SPAG17: variants seen among roughly 807,000 people sequenced by gnomAD.
SPAG17 encodes sperm associated antigen 17, also known as sperm-associated antigen 17.
SPAG17 carries 169 observed loss-of-function variants against 273.6 expected under a neutral mutation model. That is an observed-to-expected ratio of 0.62 (90% CI 0.55 to 0.70). The LOEUF (loss-of-function observed/expected upper bound fraction) is 0.70. Ranked by LOEUF, SPAG17 falls within the 30% of genes least tolerant of loss-of-function variation. SPAG17 has a pLI of 0.00. For missense variants in SPAG17, 2,557 were observed against 2,627.8 expected (o/e 0.97, Z 0.59); for synonymous variants, 825 against 873.2 (o/e 0.94, Z 0.97).
intron 43 of SPAG17, among the ~76,000 whole-genome samples, chr1:117,978,628 T>TG (rs1446030186): frequency 3.3e-5 from 5 of 152,204 alleles, no homozygotes. Context: ...GGTAAAGCTG[T>TG]GTACATTTGT....
chr1:118,151,585 G>A (rs1659389656), intron 1 of SPAG17, among the ~76,000 whole-genome samples: 1 of 152,226 alleles, frequency 6.6e-6, no homozygotes, highest in Non-Finnish European at 1.5e-5. Flanking sequence ...ATTTTCTGGA[G>A]AAACTAGTCC....
intron 17 of SPAG17, among the ~76,000 whole-genome samples, chr1:118,073,461 A>G (rs1361522576): frequency 6.6e-6 from 1 of 152,230 alleles, no homozygotes; most frequent in Non-Finnish European, 1.5e-5. Context: ...CTGTTAATCA[A>G]AACAGAAAAT....
intron 1 of SPAG17, among the ~76,000 whole-genome samples, chr1:118,163,406 C>G (rs1301368889): frequency 6.6e-6 from 1 of 152,180 alleles, no homozygotes; most frequent in African/African-American, 2.4e-5. Context: ...CTCATTCCCA[C>G]TGCCTGAGAA....
intron 26 of SPAG17, 32 bp downstream of exon 26, chr1:118,028,242 T>C: frequency 1.3e-6 from 2 of 1,582,054 alleles, no homozygotes; most frequent in South Asian, 1.2e-5. Flanking sequence ...TTTTGCTCCC[T>C]GCTTCCCCAC....
chr1:117,994,941 C>A (rs550275937), intron 34 of SPAG17, among the ~76,000 whole-genome samples: 1 of 152,238 alleles, frequency 6.6e-6, no homozygotes, highest in South Asian at 2.1e-4. Flanking sequence ...CCTTCCCTTG[C>A]AGTCAGGGTG....
Position 118,138,717 on chromosome 1 carries a change from C to T in SPAG17, c.315+11826G>A, listed in dbSNP as rs1001334094. ...CCAGCAATTACTACTGAATTACTACCGTTAAAATGGCTCATTATTTACTTC... is the reference window on the plus strand; with the variant it reads ...CCAGCAATTACTACTGAATTACTACTGTTAAAATGGCTCATTATTTACTTC... On this transcript the variant is annotated intron_variant, in intron 3 of 48. Transcript: ENST00000336338. Among the ~76,000 whole-genome samples the T allele has an allele frequency of 2.6e-5, 4 of 152,040 alleles. No individual in the cohort carries two copies. In the East Asian group the frequency reaches 7.7e-4, roughly 29 times the overall value.
In SPAG17 at chr1:117,959,451, TGA is replaced by T. The variant is rs747590011; in HGVS notation, c.*4346_*4347del. 7 of 1,585,154 alleles carry T rather than the reference TGA, an allele frequency of 4.4e-6. No individual in the cohort carries two copies. In the South Asian group the frequency reaches 4.7e-5, roughly 11 times the overall value. ...GTTGATTCTAACGTTGACTTAGAAC[TGA>T]AATGTGGTATCTTTTTTTTTTTCAA... On this transcript the variant is annotated intron_variant, in intron 48 of 48. Coordinates refer to ENST00000336338, the MANE Select transcript of SPAG17 (RefSeq NM_206996.4).
At chr1:118,032,438 G>A (rs1648581877) in intron 24 of SPAG17, among the ~76,000 whole-genome samples, 1 of 152,064 alleles carries the variant, frequency 6.6e-6, no homozygotes, top group African/African-American at 2.4e-5. Flanking sequence ...GAGTAATTAT[G>A]TGGGGAGCTC....
intron 48 of SPAG17, chr1:117,962,613 G>GTATT (rs1217970500): frequency 6.6e-6 from 1 of 151,474 alleles, no homozygotes; most frequent in Non-Finnish European, 1.5e-5. Flanking sequence ...TTTTAAAAAT[G>GTATT]TATATATCCA....
intron 3 of SPAG17, among the ~76,000 whole-genome samples, chr1:118,143,791 C>G (rs1018400404): frequency 1.3e-5 from 2 of 152,170 alleles, no homozygotes; most frequent in African/African-American, 4.8e-5. Context: ...CCACCCCAGC[C>G]CAGACCTGGA....
chr1:118,151,515 T>C (rs894884709), intron 1 of SPAG17, 146 bp from the exon 2 acceptor site: 3 of 815,130 alleles, frequency 3.7e-6, no homozygotes, highest in Admixed American at 3.9e-5. Flanking sequence ...GGTTTTCTGA[T>C]TGAAGTAGCC....
At chr1:118,173,821 T>G (rs569033044) in intron 1 of SPAG17, among the ~76,000 whole-genome samples, 2 of 149,164 alleles carry the variant, frequency 1.3e-5, no homozygotes, top group African/African-American at 5.0e-5. Flanking sequence ...CACTGTGCAA[T>G]TGCACTGCAG....
At position 118,055,897 on chromosome 1, in the gene SPAG17, A is replaced by G. The variant is rs142707516; in HGVS notation, c.2558T>C (p.Val853Ala). Residue 853 changes from valine (V) to alanine (A), a missense_variant, in exon 19 of 49, where the codon GTT (valine) becomes GCT (alanine). Physicochemically the swap from Val to Ala is moderately conservative, Grantham distance 64 (BLOSUM62 0). Transcript: ENST00000336338. ...NVGFRNYLEL[V>A]AKSIQDWITK... is the part of the protein sequence containing the mutation. ...AATCCAATCTTGAATAGATTTTGCA[A>G]CAAGTTCCAAATAATTCCTAAACAA... The G allele has an allele frequency of 8.7e-6, 14 of 1,605,360 alleles. No individual in the cohort carries two copies. The highest frequency in any genetic ancestry group is 1.1e-5 in the Non-Finnish European group (13 of 1,177,952).
At chr1:118,110,684 C>T (rs1656704808) in intron 4 of SPAG17, among the ~76,000 whole-genome samples, 1 of 152,120 alleles carries the variant, frequency 6.6e-6, no homozygotes. Flanking sequence ...GACCACTGTC[C>T]CCCTATTTAA....
chr1:117,966,107 A>T (rs1001708329), intron 47 of SPAG17: 1 of 152,274 alleles, frequency 6.6e-6, no homozygotes. Context: ...TACAAATTAT[A>T]TAATACCTTT....
At chr1:117,968,160 C>T (rs1223845383) in intron 46 of SPAG17, among the ~76,000 whole-genome samples, 1 of 151,894 alleles carries the variant, frequency 6.6e-6, no homozygotes, top group Non-Finnish European at 1.5e-5. Context: ...CCAAGCTGAA[C>T]GGTGGTTAGA....
chr1:118,062,382 A>T (rs1652423104), intron 18 of SPAG17, among the ~76,000 whole-genome samples: 2 of 149,674 alleles, frequency 1.3e-5, no homozygotes. Context: ...AAAAAAAAAA[A>T]AAAAATTAAA....
intron 35 of SPAG17, among the ~76,000 whole-genome samples, chr1:117,994,023 C>A (rs1036625143): frequency 8.6e-5 from 13 of 151,996 alleles, no homozygotes; most frequent in African/African-American, 2.7e-4. Flanking sequence ...GAGTAAAAGG[C>A]ACAAAATTGT....
At chr1:118,053,397 G>T (rs560448921) in intron 20 of SPAG17, among the ~76,000 whole-genome samples, 2 of 151,988 alleles carry the variant, frequency 1.3e-5, no homozygotes, top group Admixed American at 1.3e-4. Flanking sequence ...AAATATCATG[G>T]TACATGCATA....
Sources: allele counts gnomAD v4.1 joint callset (sites outside exome capture counted in the v4.1 genomes callset), GRCh38; gene constraint gnomAD v4.1.1; transcripts MANE v1.5; gene names NCBI Gene and HGNC (gene_info 2026-07-23, HGNC 2026-07-21).